DAPK1: variants seen among roughly 807,000 people sequenced by gnomAD.
DAPK1 encodes the protein death-associated protein kinase 1.
DAPK1 carries 56 observed loss-of-function variants against 144.9 expected under a neutral mutation model. The ratio of observed to expected loss-of-function variants is 0.39; its 90% CI spans 0.31 to 0.48. The LOEUF (loss-of-function observed/expected upper bound fraction) is 0.48, where lower values mean the gene tolerates loss of function less well. Ranked by LOEUF, DAPK1 falls within the 20% of genes least tolerant of loss-of-function variation. The pLI is 0.95. For synonymous variants in DAPK1, 690 were observed against 749.0 expected (o/e 0.92, Z 1.29); for missense variants, 1,454 against 1,875.4 (o/e 0.78, Z 4.15).
rs771049627 is a variant in DAPK1 at position 87,700,221 on chromosome 9, G to A, written c.2855G>A (p.Arg952Gln). 6.8e-6 allele frequency: 11 copies of A among 1,611,426 alleles called. 1 individual carries two copies. The highest frequency in any genetic ancestry group is 3.3e-4 in the Middle Eastern group (2 of 6,056). The change falls in exon 24 of 26, where the codon CGA becomes CAA. Residue 952 changes from arginine to glutamine, a missense_variant. This residue lies in a region of DAPK1 where 1,025 missense variants were observed against 1,237.9 expected (regional missense o/e 0.83). Transcript: ENST00000408954. The part of the protein sequence containing the change: ...KVLRNHLQEI[R>Q]SQIVSVCPPM... ...CTTCGAAATCATCTGCAAGAAATACGAAGCCAGATTGTTTCGGTAAGTACA... is the reference window on the plus strand; with the variant it reads ...CTTCGAAATCATCTGCAAGAAATACAAAGCCAGATTGTTTCGGTAAGTACA...
At chr9:87,701,973 C>A in intron 24 of DAPK1, 1 of 431,438 alleles carries the variant, frequency 2.3e-6, no homozygotes, top group Non-Finnish European at 4.9e-6. Context: ...TAACAGTGGT[C>A]TCTGAGGGCC....
At chr9:87,698,831 G>C (rs1564077049) in intron 23 of DAPK1, 37 bp downstream of exon 23, 1 of 1,387,490 alleles carries the variant, frequency 7.2e-7, no homozygotes, top group Non-Finnish European at 1.0e-6. Flanking sequence ...CTCACGGGTA[G>C]CCTCCTCTCC....
intron 11 of DAPK1, among the ~76,000 whole-genome samples, chr9:87,644,746 T>A (rs1047616567): frequency 2.0e-5 from 3 of 151,928 alleles, no homozygotes; most frequent in African/African-American, 7.3e-5. Context: ...CAGTGAAAAG[T>A]TTAGGGTAGG....
chr9:87,504,186 G>T (rs913378240), intron 2 of DAPK1, among the ~76,000 whole-genome samples: 3 of 152,074 alleles, frequency 2.0e-5, no homozygotes, highest in Non-Finnish European at 2.9e-5. Flanking sequence ...TAGCATTTTT[G>T]ACTCAGAATG....
intron 2 of DAPK1, among the ~76,000 whole-genome samples, chr9:87,579,445 T>A (rs1186582828): frequency 6.6e-6 from 1 of 152,208 alleles, no homozygotes; most frequent in African/African-American, 2.4e-5. Flanking sequence ...TTAATAGCTT[T>A]AGCTTTGGGA....
At chr9:87,525,349 G>T in intron 2 of DAPK1, 1 of 1,611,388 alleles carries the variant, frequency 6.2e-7, no homozygotes. Context: ...AATTCGGCCA[G>T]GGTTCTCGCT....
Position 87,640,151 on chromosome 9 carries a change from C to G in DAPK1, c.630-147C>G. 6.1e-6 allele frequency: 5 copies of G among 824,742 alleles called. No homozygotes were observed. The South Asian group carries it at 7.4e-5, about 12-fold the overall frequency. The allele number at this position is 824,742 out of a possible 1,614,324, so 51.1% of individuals were successfully genotyped here. ...CTGAAGCTGAAGCATTTGCTCCTGA[C>G]AGTTAAAGCCCTATGAAATATAATC... On this transcript the variant is annotated intron_variant, in intron 7 of 25. Transcript: ENST00000408954.
At chr9:87,522,239 A>C (rs1825325422) in intron 2 of DAPK1, among the ~76,000 whole-genome samples, 1 of 152,316 alleles carries the variant, frequency 6.6e-6, no homozygotes, top group Non-Finnish European at 1.5e-5. Flanking sequence ...AGGTCCCTTT[A>C]CATCTTTTAA....
Position 87,499,149 on chromosome 9 carries a change from G to T in DAPK1, c.62+10G>T. ...GCGAGGAACTTGGCAGGTAAAGGGGGTACCAGAAGCGTACCCTCCTGGATT... is the reference window on the plus strand; with the variant it reads ...GCGAGGAACTTGGCAGGTAAAGGGGTTACCAGAAGCGTACCCTCCTGGATT... On this transcript the variant is annotated intron_variant, in intron 2 of 25. Transcript: ENST00000408954. The T allele has an allele frequency of 6.2e-7, 1 of 1,612,072 alleles. No homozygotes were observed. Among genetic ancestry groups the T allele is most frequent in the South Asian group, 1.1e-5 (1 of 91,030 alleles).
chr9:87,570,536 A>T (rs1357002363), intron 2 of DAPK1, among the ~76,000 whole-genome samples: 1 of 152,198 alleles, frequency 6.6e-6, no homozygotes, highest in Non-Finnish European at 1.5e-5. Context: ...TGTAAAAAAA[A>T]CCCAAAAAGC....
At chr9:87,649,832 G>A in intron 15 of DAPK1, 89 bp from the exon 16 acceptor site, 1 of 1,354,220 alleles carries the variant, frequency 7.4e-7, no homozygotes, top group Non-Finnish European at 1.1e-6. Context: ...TTGCGTTTCT[G>A]CCAAATTTGA....
chr9:87,650,127 T>C lies in DAPK1; in HGVS notation c.1626+9T>C, dbSNP rs779930904. ...TTAATGCTTGCGACAAGGTGCCTTA[T>C]GGGGGAAGACTCATATGCACTGGGA... On this transcript the variant is annotated intron_variant, in intron 16 of 25. Coordinates refer to ENST00000408954, the MANE Select transcript of DAPK1 (RefSeq NM_004938.4). 1.8e-5 allele frequency: 29 copies of C among 1,613,766 alleles called. No individual in the cohort carries two copies. The South Asian group carries it at 2.4e-4, about 13-fold the overall frequency.
At chr9:87,640,909 G>T (rs1365943168) in intron 9 of DAPK1, 62 bp downstream of exon 9, 1 of 1,480,860 alleles carries the variant, frequency 6.8e-7, no homozygotes, top group African/African-American at 1.4e-5. Context: ...GGGCACCCTG[G>T]TATTCATGTA....
intron 15 of DAPK1, among the ~76,000 whole-genome samples, 190 bp downstream of exon 15, chr9:87,649,069 G>A (rs182085729): frequency 6.6e-6 from 1 of 152,336 alleles, no homozygotes; most frequent in Admixed American, 6.5e-5. Context: ...CTAATGCCAG[G>A]ATCAGGTCTA....
chr9:87,645,178 A>G (rs1472369147), intron 11 of DAPK1, among the ~76,000 whole-genome samples: 4 of 152,128 alleles, frequency 2.6e-5, no homozygotes, highest in Non-Finnish European at 5.9e-5. Context: ...TTTCTAGCTA[A>G]TTCCTTAGTT....
chr9:87,535,793 C>T (rs2118407900), intron 2 of DAPK1, among the ~76,000 whole-genome samples: 1 of 152,186 alleles, frequency 6.6e-6, no homozygotes, highest in Middle Eastern at 3.4e-3. Flanking sequence ...CCCCAAGACA[C>T]AGAGTTAAGG....
chr9:87,584,633 G>T (rs1318472377), intron 2 of DAPK1, among the ~76,000 whole-genome samples: 2 of 151,518 alleles, frequency 1.3e-5, no homozygotes, highest in Non-Finnish European at 2.9e-5. Flanking sequence ...TCTGATAGCA[G>T]CCATTCTAAC....
intron 2 of DAPK1, among the ~76,000 whole-genome samples, chr9:87,509,745 C>G (rs541001278): frequency 1.3e-5 from 2 of 152,352 alleles, no homozygotes; most frequent in South Asian, 4.1e-4. Flanking sequence ...TTCAAAGTCT[C>G]TACAGTCAGT....
chr9:87,566,999 G>C (rs1827150431), intron 2 of DAPK1, among the ~76,000 whole-genome samples: 2 of 152,194 alleles, frequency 1.3e-5, no homozygotes, highest in South Asian at 4.1e-4. Flanking sequence ...CATTAATGAA[G>C]GGTTGCTAAT....
Sources: allele counts gnomAD v4.1 joint callset (sites outside exome capture counted in the v4.1 genomes callset), GRCh38; gene constraint gnomAD v4.1.1; regional missense constraint gnomAD v4.1.1; transcripts MANE v1.5; gene names NCBI Gene and HGNC (gene_info 2026-07-23, HGNC 2026-07-21).